TXNRD1: variants seen among roughly 807,000 people sequenced by gnomAD.
TXNRD1 encodes thioredoxin reductase 1, cytoplasmic.
A neutral mutation model predicts 80.3 loss-of-function variants in TXNRD1; 57 were observed. The ratio of observed to expected loss-of-function variants is 0.71; its 90% CI spans 0.57 to 0.89. TXNRD1 has a LOEUF of 0.89. TXNRD1 is among the 40% of genes least tolerant of loss of function. The pLI is 0.00. For synonymous variants in TXNRD1, 291 were observed against 285.2 expected (o/e 1.02, Z -0.20); for missense variants, 730 against 803.0 (o/e 0.91, Z 1.10).
At chr12:104,284,839 C>A (rs1046927395) in intron 3 of TXNRD1, among the ~76,000 whole-genome samples, 1 of 152,086 alleles carries the variant, frequency 6.6e-6, no homozygotes, top group Non-Finnish European at 1.5e-5. Context: ...AGAATGAGCC[C>A]AGTCAAGAGA....
At chr12:104,342,700 G>A (rs1455103317) in intron 16 of TXNRD1, among the ~76,000 whole-genome samples, 1 of 152,190 alleles carries the variant, frequency 6.6e-6, no homozygotes, top group African/African-American at 2.4e-5. Flanking sequence ...GAAACAGGTG[G>A]GTAAGTGATG....
At chr12:104,261,784 G>A (rs1215017098) in intron 3 of TXNRD1, among the ~76,000 whole-genome samples, 1 of 152,064 alleles carries the variant, frequency 6.6e-6, no homozygotes, top group Non-Finnish European at 1.5e-5. Flanking sequence ...CGAAATAAGT[G>A]CATTCTCAGC....
At chr12:104,337,036 T>G (rs2135878735) in intron 15 of TXNRD1, among the ~76,000 whole-genome samples, 1 of 152,178 alleles carries the variant, frequency 6.6e-6, no homozygotes, top group Admixed American at 6.6e-5. Flanking sequence ...GTTTGCCACC[T>G]ATTTATGAAT....
chr12:104,301,202 T>A (rs758371674), intron 4 of TXNRD1, among the ~76,000 whole-genome samples: 4 of 152,222 alleles, frequency 2.6e-5, no homozygotes, highest in Non-Finnish European at 4.4e-5. Flanking sequence ...TAAGGCATTT[T>A]GAAATTCTTA....
intron 1 of TXNRD1, among the ~76,000 whole-genome samples, chr12:104,238,416 C>G (rs962190748): frequency 1.3e-5 from 2 of 152,000 alleles, no homozygotes; most frequent in Admixed American, 6.6e-5. Flanking sequence ...GTTAAAGCAC[C>G]CTTTTTGACT....
intron 15 of TXNRD1, 54 bp from the exon 16 acceptor site, chr12:104,339,085 G>C (rs1056094046): frequency 6.2e-7 from 1 of 1,604,628 alleles, no homozygotes; most frequent in African/African-American, 1.3e-5. Flanking sequence ...TGTGTAGGAA[G>C]AGGAGGGGAG....
chr12:104,279,059 T>G (rs2033822737), intron 3 of TXNRD1, among the ~76,000 whole-genome samples: 1 of 152,224 alleles, frequency 6.6e-6, no homozygotes, highest in South Asian at 2.1e-4. Context: ...CATGTGGCTA[T>G]GTACATCTAT....
At chr12:104,247,285 C>T (rs1387981145) in intron 1 of TXNRD1, among the ~76,000 whole-genome samples, 1 of 151,960 alleles carries the variant, frequency 6.6e-6, no homozygotes, top group Non-Finnish European at 1.5e-5. Flanking sequence ...CCAGGGTGGT[C>T]TCAAACTCGT....
Position 104,334,224 on chromosome 12 carries a change from T to C in TXNRD1, c.1651-13T>C. 6.8e-7 allele frequency: 1 copy of C among 1,471,366 alleles called. No individual in the cohort carries two copies. Among genetic ancestry groups the C allele is most frequent in the Non-Finnish European group, 9.1e-7 (1 of 1,102,588 alleles). The allele number at this position is 1,471,366 out of a possible 1,614,324, so 91.1% of individuals were successfully genotyped here. A position where few individuals can be genotyped will look rare whatever the true frequency, so the allele number is the denominator to read the frequency against. On this transcript the variant is annotated splice_polypyrimidine_tract_variant and intron_variant, in intron 14 of 16. Transcript: ENST00000525566. ...AAATAATGGGTCTAAATTTTGCTTT[T>C]GTATCTTCTTAGGTTTACCATAGTT...
intron 4 of TXNRD1, chr12:104,303,742 G>A: frequency 2.1e-6 from 2 of 948,028 alleles, no homozygotes; most frequent in South Asian, 2.0e-5. Context: ...AGTGCGCATG[G>A]GCGGGCGTCC....
chr12:104,309,337 C>A (rs180960394), intron 4 of TXNRD1, among the ~76,000 whole-genome samples: 6 of 152,272 alleles, frequency 3.9e-5, no homozygotes, highest in African/African-American at 1.4e-4. Context: ...CTGGTTGATA[C>A]AATTTGACTT....
Position 104,321,269 on chromosome 12 carries a change from A to T in TXNRD1, c.1168A>T (p.Met390Leu). 6.2e-7 allele frequency: 1 copy of T among 1,614,012 alleles called. No individual in the cohort carries two copies. The highest frequency in any genetic ancestry group is 8.5e-7 in the Non-Finnish European group (1 of 1,179,882). The change falls in exon 10 of 17, where the codon ATG becomes TTG. Residue 390 changes from methionine (M) to leucine (L), a missense_variant. Transcript: ENST00000525566. ...QDMANKIGEHMEEHGIKFIRQ... is the reference protein window; with the variant it reads ...QDMANKIGEHLEEHGIKFIRQ... ...CATGGCCAACAAAATTGGTGAACAC[A>T]TGGAAGAACATGGCATCAAGTTTAT... is the stretch of plus-strand genomic sequence containing the variant.
chr12:104,265,293 AC>A (rs2033454164), intron 3 of TXNRD1: 4 of 1,584,586 alleles, frequency 2.5e-6, no homozygotes, highest in Admixed American at 1.8e-5. Context: ...GTGGCGGCGA[AC>A]GCGGAGAGCA....
At chr12:104,272,617 C>A (rs893632221) in intron 3 of TXNRD1, among the ~76,000 whole-genome samples, 1 of 152,016 alleles carries the variant, frequency 6.6e-6, no homozygotes, top group Non-Finnish European at 1.5e-5. Context: ...TGGTGAAACC[C>A]AGTCTCTACT....
chr12:104,287,370 G>C (rs775029150), intron 3 of TXNRD1: 1 of 1,613,932 alleles, frequency 6.2e-7, no homozygotes, highest in Non-Finnish European at 8.5e-7. Context: ...GCGCCTGTAG[G>C]CTGGCGGTTT....
chr12:104,277,698 G>GT (rs773611023), intron 3 of TXNRD1, among the ~76,000 whole-genome samples: 3,242 of 149,000 alleles, frequency 0.022, 61 homozygotes, highest in Admixed American at 0.034. Context: ...GGTTACCGGG[G>GT]TTTTTTTTTT....
chr12:104,322,732 T>C (rs2035582711), intron 10 of TXNRD1, among the ~76,000 whole-genome samples: 1 of 152,190 alleles, frequency 6.6e-6, no homozygotes, highest in Non-Finnish European at 1.5e-5. Flanking sequence ...ATTAGAGCTA[T>C]GATTCATAAA....
At chr12:104,254,644 A>AAAAAAAAAAAAAATATATATAT in intron 2 of TXNRD1, among the ~76,000 whole-genome samples, 9 of 93,634 alleles carry the variant, frequency 9.6e-5, no homozygotes, top group Admixed American at 3.9e-4. Flanking sequence ...AAAAAAAAAA[A>AAAAAAAAAAAAAATATATATAT]ATATATATAT....
At chr12:104,311,066 A>G (rs1039865272) in intron 4 of TXNRD1, among the ~76,000 whole-genome samples, 1 of 152,234 alleles carries the variant, frequency 6.6e-6, no homozygotes, top group African/African-American at 2.4e-5. Context: ...GAACACTTCA[A>G]AGTAGTTAGC....
Sources: allele counts gnomAD v4.1 joint callset (sites outside exome capture counted in the v4.1 genomes callset), GRCh38; gene constraint gnomAD v4.1.1; transcripts MANE v1.5; gene names NCBI Gene and HGNC (gene_info 2026-07-23, HGNC 2026-07-21).